The following PDE3B variants were observed in gnomAD, a reference collection of about 807,000 sequenced individuals.
The protein encoded by PDE3B is cGMP-inhibited 3',5'-cyclic phosphodiesterase 3B.
PDE3B carries 66 observed loss-of-function variants against 116.8 expected under a neutral mutation model. That is an observed-to-expected ratio of 0.56 (90% CI 0.46 to 0.69). The LOEUF is 0.69. PDE3B is among the 30% of genes least tolerant of loss of function. PDE3B has a pLI of 0.00. For missense variants in PDE3B, 1,384 were observed against 1,368.1 expected (o/e 1.01, Z -0.18); for synonymous variants, 595 against 533.6 (o/e 1.12, Z -1.59).
At chr11:14,722,196 A>T (rs1158021973) in intron 1 of PDE3B, among the ~76,000 whole-genome samples, 2 of 151,520 alleles carry the variant, frequency 1.3e-5, no homozygotes, top group African/African-American at 2.4e-5. Context: ...GCATTAGGAG[A>T]TATGCCTAAT....
intron 4 of PDE3B, among the ~76,000 whole-genome samples, chr11:14,797,881 G>A (rs192081812): frequency 1.3e-5 from 2 of 152,240 alleles, no homozygotes; most frequent in African/African-American, 4.8e-5. Context: ...TGCAAACAGA[G>A]ACAATTTGAC....
In PDE3B at chr11:14,849,181, T is replaced by C. The variant is rs11510168; in HGVS notation, c.2520+5155T>C. Among the ~76,000 whole-genome samples the C allele has an allele frequency of 5.3e-3, 799 of 152,148 alleles. 6 individuals are homozygous for C. The highest frequency in any genetic ancestry group is 0.018 in the African/African-American group (735 of 41,482). ...AGAACAGAGCCCTCAGAAATAACGC[T>C]GCATATCTACAACTATCTGATCTTT... On this transcript the variant is annotated intron_variant, in intron 12 of 15. Transcript: ENST00000282096.
At chr11:14,798,257 A>C (rs1025182169) in intron 4 of PDE3B, among the ~76,000 whole-genome samples, 3 of 152,228 alleles carry the variant, frequency 2.0e-5, no homozygotes, top group Admixed American at 6.5e-5. Flanking sequence ...ATGTTGAACC[A>C]GCCTTGCATC....
At chr11:14,855,755 TGAGAG>T (rs1486395347) in intron 12 of PDE3B, among the ~76,000 whole-genome samples, 11 of 151,518 alleles carry the variant, frequency 7.3e-5, no homozygotes, top group African/African-American at 2.7e-4. Context: ...ATAAGTAAAA[TGAGAG>T]GAGATAGGAA....
At chr11:14,686,321 G>A (rs963177806) in intron 1 of PDE3B, among the ~76,000 whole-genome samples, 1 of 152,084 alleles carries the variant, frequency 6.6e-6, no homozygotes, top group African/African-American at 2.4e-5. Context: ...ATCCTTAAAG[G>A]ATAGTTGATT....
chr11:14,806,906 T>C (rs1858951091), intron 5 of PDE3B, among the ~76,000 whole-genome samples: 1 of 138,688 alleles, frequency 7.2e-6, no homozygotes, highest in Non-Finnish European at 1.6e-5. Context: ...GTGGCACATA[T>C]ACACCATGGA....
At chr11:14,880,708 C>G in the PDE3B span, 3 of 1,597,424 alleles carry the variant, frequency 1.9e-6, no homozygotes, top group Admixed American at 5.4e-5. Flanking sequence ...ATATCGAAAA[C>G]TGTTTACAGC....
At chr11:14,715,236 G>C (rs1305902055) in intron 1 of PDE3B, among the ~76,000 whole-genome samples, 1 of 152,184 alleles carries the variant, frequency 6.6e-6, no homozygotes, top group Non-Finnish European at 1.5e-5. Context: ...TTGACTTGGC[G>C]ATGCGGGCTC....
At chr11:14,857,654 C>A (rs1016983557) in intron 12 of PDE3B, among the ~76,000 whole-genome samples, 2 of 152,154 alleles carry the variant, frequency 1.3e-5, no homozygotes, top group Non-Finnish European at 2.9e-5. Flanking sequence ...CCCCTCCGCC[C>A]ATTTTATATT....
chr11:14,862,808 G>C (rs1395443497), intron 14 of PDE3B, among the ~76,000 whole-genome samples: 2 of 152,158 alleles, frequency 1.3e-5, no homozygotes, highest in Non-Finnish European at 2.9e-5. Flanking sequence ...TCCTGACCTT[G>C]TGATCCGCCC....
At chr11:14,886,777 T>G in the PDE3B span, 1 of 152,406 alleles carries the variant, frequency 6.6e-6, no homozygotes, top group East Asian at 1.9e-4. Flanking sequence ...GCCTTATCCC[T>G]GTGCAAACAA....
At chr11:14,783,502 C>A (rs12576508) in intron 2 of PDE3B, among the ~76,000 whole-genome samples, 1 of 151,876 alleles carries the variant, frequency 6.6e-6, no homozygotes, top group Admixed American at 6.6e-5. Flanking sequence ...AGCAAGCTAT[C>A]GCAAGGACAG....
intron 1 of PDE3B, among the ~76,000 whole-genome samples, chr11:14,722,260 T>C (rs147806210): frequency 1.2e-3 from 189 of 151,810 alleles, no homozygotes; most frequent in South Asian, 6.4e-3. Context: ...TGTATACATA[T>C]GTAACAAACC....
At chr11:14,717,386 C>T (rs1195290709) in intron 1 of PDE3B, among the ~76,000 whole-genome samples, 5 of 103,268 alleles carry the variant, frequency 4.8e-5, no homozygotes, top group Non-Finnish European at 7.7e-5. Flanking sequence ...TCTAGCAAGG[C>T]AGGCCAACAT....
intron 4 of PDE3B, among the ~76,000 whole-genome samples, chr11:14,797,273 G>A (rs1471158206): frequency 6.6e-6 from 1 of 152,176 alleles, no homozygotes; most frequent in Non-Finnish European, 1.5e-5. Flanking sequence ...AATGATTGCT[G>A]TTCTGCAGCC....
chr11:14,891,117 G>C, the PDE3B span: 1 of 985,238 alleles, frequency 1.0e-6, no homozygotes, highest in Non-Finnish European at 1.2e-6. Context: ...AGGACCCGTG[G>C]AAACTCCTGC....
chr11:14,685,701 G>A (rs753221124), intron 1 of PDE3B, among the ~76,000 whole-genome samples: 35 of 151,260 alleles, frequency 2.3e-4, no homozygotes, highest in African/African-American at 2.7e-4. Flanking sequence ...GGTGATCCAC[G>A]CGCCTTGACC....
intron 1 of PDE3B, among the ~76,000 whole-genome samples, chr11:14,668,775 A>G (rs1258025304): frequency 1.3e-5 from 2 of 152,188 alleles, no homozygotes; most frequent in East Asian, 3.9e-4. Flanking sequence ...ATTCGTTTAG[A>G]TATCAGCACA....
chr11:14,828,473 AAAAC>A (rs773179552), intron 7 of PDE3B, among the ~76,000 whole-genome samples: 7 of 152,182 alleles, frequency 4.6e-5, no homozygotes, highest in Non-Finnish European at 8.8e-5. Context: ...TTGACAAGAA[AAAAC>A]AAACATAAAA....
Sources: gnomAD v4.1 joint callset for allele counts (sites outside exome capture counted in the v4.1 genomes callset) on GRCh38, gnomAD v4.1.1 for gene constraint, MANE v1.5 for transcripts, NCBI Gene and HGNC (gene_info 2026-07-23, HGNC 2026-07-21) for gene names.